Variants in VTI1A observed in about 807,000 individuals in gnomAD.
VTI1A encodes the protein vesicle transport through interaction with t-SNAREs homolog 1A.
In VTI1A, 22 loss-of-function variants were observed where a neutral mutation model predicts 34.9. That is an observed-to-expected ratio of 0.63 (90% confidence interval 0.45 to 0.90). The LOEUF is 0.90. Among genes scored for constraint, VTI1A ranks in the 40% least tolerant of loss-of-function variants. The pLI is 0.00. For missense variants in VTI1A, 268 were observed against 275.6 expected, an observed-to-expected ratio of 0.97 and a Z score of 0.20; for synonymous variants, 87 against 97.3, an observed-to-expected ratio of 0.89 and a Z score of 0.62.
At chr10:112,850,344 TGGC>T in the VTI1A span, among the ~76,000 whole-genome samples, 1 of 128,700 alleles carries the variant, frequency 7.8e-6, no homozygotes, top group Non-Finnish European at 1.6e-5. Flanking sequence ...ATGTGAGTCA[TGGC>T]ACCTTTAAAG....
chr10:112,762,488 G>A (rs1209514535), intron 7 of VTI1A, among the ~76,000 whole-genome samples: 1 of 152,166 alleles, frequency 6.6e-6, no homozygotes, highest in African/African-American at 2.4e-5. Flanking sequence ...TATTAGAAAC[G>A]GAGTGCTTTT....
chr10:112,741,260 A>G (rs185528368), intron 7 of VTI1A, among the ~76,000 whole-genome samples: 21 of 152,300 alleles, frequency 1.4e-4, no homozygotes, highest in Admixed American at 9.8e-4. Context: ...GTTCAAGACC[A>G]GCCTGGCCAA....
At chr10:112,568,140 A>G (rs1415584994) in intron 5 of VTI1A, among the ~76,000 whole-genome samples, 2 of 123,928 alleles carry the variant, frequency 1.6e-5, no homozygotes, top group Non-Finnish European at 3.4e-5. Context: ...TGTGCACCGT[A>G]TGATATTCTG....
chr10:112,626,312 A>G (rs117117699), intron 5 of VTI1A, among the ~76,000 whole-genome samples: 1 of 152,166 alleles, frequency 6.6e-6, no homozygotes. Flanking sequence ...TCATGTGGCT[A>G]TATCTTTATT....
At chr10:112,559,482 A>T (rs1851646912) in intron 5 of VTI1A, among the ~76,000 whole-genome samples, 1 of 152,090 alleles carries the variant, frequency 6.6e-6, no homozygotes, top group Non-Finnish European at 1.5e-5. Context: ...GTAGGGGGAA[A>T]ACCTGGCCTT....
At chr10:112,474,433 T>C (rs1727707585) in intron 3 of VTI1A, among the ~76,000 whole-genome samples, 1 of 151,838 alleles carries the variant, frequency 6.6e-6, no homozygotes, top group South Asian at 2.1e-4. Context: ...CTTGTTTGCA[T>C]TCATTTTCTT....
chr10:112,627,492 T>A (rs1845966325), intron 5 of VTI1A, among the ~76,000 whole-genome samples: 1 of 152,158 alleles, frequency 6.6e-6, no homozygotes, highest in African/African-American at 2.4e-5. Flanking sequence ...AAAAGGATCG[T>A]CCCCTTTACC....
intron 7 of VTI1A, chr10:112,737,991 G>C: frequency 1.5e-6 from 1 of 650,020 alleles, no homozygotes; most frequent in Non-Finnish European, 1.9e-6. Context: ...GATGTCCAGA[G>C]ATCAAGATGA....
At chr10:112,798,870 G>A (rs1023945308) in intron 7 of VTI1A, among the ~76,000 whole-genome samples, 3 of 152,066 alleles carry the variant, frequency 2.0e-5, no homozygotes, top group Non-Finnish European at 1.5e-5. Flanking sequence ...CCTATAACAC[G>A]CTGCATAGAA....
intron 5 of VTI1A, among the ~76,000 whole-genome samples, chr10:112,575,952 C>CT (rs1319737559): frequency 8.6e-5 from 13 of 150,662 alleles, no homozygotes; most frequent in African/African-American, 2.4e-4. Flanking sequence ...GTGAATTTTT[C>CT]TTTGTTTGTT....
At chr10:112,808,316 A>G (rs1853158022) in intron 7 of VTI1A, among the ~76,000 whole-genome samples, 1 of 151,914 alleles carries the variant, frequency 6.6e-6, no homozygotes, top group African/African-American at 2.4e-5. Flanking sequence ...TGTTCAATCC[A>G]GTACAATCAG....
chr10:112,757,153 A>C lies in VTI1A; in HGVS notation c.561-58137A>C, dbSNP rs952647123. ...GCTACTGTAGGTACAAGGGTGACCA[A>C]GCAGGACATGCCCTGGGCCTCACCC... On this transcript the variant is annotated intron_variant, in intron 7 of 7. Transcript: ENST00000393077. Among the ~76,000 whole-genome samples the C allele has an allele frequency of 1.2e-4, 19 of 152,042 alleles. 1 individual carries two copies. The highest frequency in any genetic ancestry group is 9.8e-4 in the Admixed American group (15 of 15,238).
chr10:112,796,648 TGGAA>T (rs968896253), intron 7 of VTI1A, among the ~76,000 whole-genome samples: 1 of 152,174 alleles, frequency 6.6e-6, no homozygotes, highest in Non-Finnish European at 1.5e-5. Context: ...GGCAAGTCCT[TGGAA>T]GAATCACTAT....
At chr10:112,769,343 G>T (rs956923776) in intron 7 of VTI1A, among the ~76,000 whole-genome samples, 1 of 152,206 alleles carries the variant, frequency 6.6e-6, no homozygotes, top group African/African-American at 2.4e-5. Context: ...AGGATTCTAC[G>T]CTGCCTCTGG....
At chr10:112,537,307 C>T (rs370926732) in intron 4 of VTI1A, among the ~76,000 whole-genome samples, 1 of 19,734 alleles carries the variant, frequency 5.1e-5, no homozygotes, top group East Asian at 6.5e-4. Flanking sequence ...TTCTAAGTAT[C>T]TAGGTATATA....
intron 3 of VTI1A, among the ~76,000 whole-genome samples, chr10:112,471,801 GAA>G (rs112572299): frequency 5.5e-5 from 8 of 146,624 alleles, no homozygotes; most frequent in South Asian, 2.2e-4. Context: ...CAGCCAAGAG[GAA>G]AAAAAAAAAT....
At chr10:112,596,710 A>G (rs1665823061) in intron 5 of VTI1A, among the ~76,000 whole-genome samples, 1 of 152,116 alleles carries the variant, frequency 6.6e-6, no homozygotes, top group South Asian at 2.1e-4. Context: ...TGTACTTTTT[A>G]TTACATTTCT....
chr10:112,464,487 C>T, intron 2 of VTI1A, 60 bp from the exon 3 acceptor site: 1 of 1,453,298 alleles, frequency 6.9e-7, no homozygotes, highest in Admixed American at 1.9e-5. Flanking sequence ...CAGCCGTAAA[C>T]ATTTGTTCAA....
chr10:112,810,175 G>T (rs1406337482), intron 7 of VTI1A, among the ~76,000 whole-genome samples: 1 of 151,956 alleles, frequency 6.6e-6, no homozygotes, highest in Non-Finnish European at 1.5e-5. Context: ...GGCCAAGATG[G>T]GCAGATCACC....
Sources: allele counts gnomAD v4.1 joint callset (sites outside exome capture counted in the v4.1 genomes callset), GRCh38; gene constraint gnomAD v4.1.1; transcripts MANE v1.5; gene names NCBI Gene and HGNC (gene_info 2026-07-23, HGNC 2026-07-21).